LUZP2: variants seen among roughly 807,000 people sequenced by gnomAD.
LUZP2 encodes leucine zipper protein 2.
LUZP2 carries 52 observed loss-of-function variants against 51.6 expected under a neutral mutation model. That is an observed-to-expected ratio of 1.01 (90% confidence interval 0.81 to 1.27). LUZP2 has a LOEUF of 1.27. LUZP2 is among the 50% of genes most tolerant of loss of function. LUZP2 has a pLI of 0.00. For missense variants in LUZP2, 436 were observed against 395.4 expected (o/e 1.10, Z -0.87); for synonymous variants, 154 against 137.3 (o/e 1.12, Z -0.85).
intron 1 of LUZP2, among the ~76,000 whole-genome samples, chr11:24,506,002 C>T (rs544246781): frequency 1.4e-4 from 22 of 151,938 alleles, no homozygotes; most frequent in Non-Finnish European, 3.1e-4. Context: ...CTACAGGTGG[C>T]AGGACTAAAT....
intron 1 of LUZP2, among the ~76,000 whole-genome samples, chr11:24,627,519 ACTTT>A (rs1483035093): frequency 6.6e-6 from 1 of 152,216 alleles, no homozygotes; most frequent in African/African-American, 2.4e-5. Context: ...ATTATAACCG[ACTTT>A]CTTTCTGTGA....
chr11:24,550,944 A>T (rs1851706703), intron 1 of LUZP2, among the ~76,000 whole-genome samples: 1 of 151,980 alleles, frequency 6.6e-6, no homozygotes, highest in Non-Finnish European at 1.5e-5. Context: ...TCCTGTCTCA[A>T]AAACAAACAA....
intron 1 of LUZP2, among the ~76,000 whole-genome samples, chr11:24,665,148 G>T (rs540353012): frequency 6.6e-6 from 1 of 152,302 alleles, no homozygotes; most frequent in East Asian, 1.9e-4. Flanking sequence ...GCATGATCTG[G>T]ATGTGAAACA....
Position 24,517,163 on chromosome 11 carries a change from C to T in LUZP2, c.62+19858C>T, listed in dbSNP as rs538182046. On this transcript the variant is annotated intron_variant, in intron 1 of 11. Transcript: ENST00000336930. ...AATAAGATAATCTTATGTCACCTGT[C>T]CAAAAAACTATTGCTAAAGGTTAAA... Among the ~76,000 whole-genome samples, 73 of 151,912 alleles carry T rather than the reference C, an allele frequency of 4.8e-4. No individual in the cohort carries two copies. The South Asian group carries it at 7.3e-3, about 15-fold the overall frequency.
intron 1 of LUZP2, among the ~76,000 whole-genome samples, chr11:24,621,600 T>G (rs1854497253): frequency 6.6e-6 from 1 of 152,182 alleles, no homozygotes; most frequent in Admixed American, 6.5e-5. Flanking sequence ...AGCCTGAGAT[T>G]CTTACTTGTG....
chr11:24,961,503 G>A (rs1385234113), intron 7 of LUZP2, among the ~76,000 whole-genome samples: 4 of 151,962 alleles, frequency 2.6e-5, no homozygotes, highest in Non-Finnish European at 5.9e-5. Flanking sequence ...ATTATGTAAT[G>A]GCCTTCTTTG....
At chr11:25,002,177 A>C (rs1235043329) in intron 9 of LUZP2, among the ~76,000 whole-genome samples, 1 of 152,210 alleles carries the variant, frequency 6.6e-6, no homozygotes, top group Non-Finnish European at 1.5e-5. Context: ...TAGTTCTGCT[A>C]ACTGGGTGCT....
chr11:25,069,463 A>G (rs942273348), intron 10 of LUZP2, among the ~76,000 whole-genome samples: 1 of 151,954 alleles, frequency 6.6e-6, no homozygotes, highest in African/African-American at 2.4e-5. Flanking sequence ...TCATAAATTA[A>G]CATTTCTTTA....
intron 5 of LUZP2, among the ~76,000 whole-genome samples, chr11:24,837,815 C>T (rs1401448073): frequency 6.6e-6 from 1 of 151,522 alleles, no homozygotes; most frequent in East Asian, 1.9e-4. Context: ...TACTATAATT[C>T]CCTTTACTGT....
intron 7 of LUZP2, among the ~76,000 whole-genome samples, chr11:24,968,372 C>T (rs1855649628): frequency 6.6e-6 from 1 of 152,114 alleles, no homozygotes; most frequent in Non-Finnish European, 1.5e-5. Context: ...ATAAAATTTG[C>T]ATACAAAATC....
chr11:24,732,233 A>G (rs1858740930), intron 3 of LUZP2, 45 bp downstream of exon 3: 2 of 1,402,402 alleles, frequency 1.4e-6, no homozygotes, highest in African/African-American at 1.4e-5. Flanking sequence ...CATAGTGTCA[A>G]GCAACATTCA....
At chr11:24,531,338 T>A (rs1276186967) in intron 1 of LUZP2, among the ~76,000 whole-genome samples, 1 of 150,830 alleles carries the variant, frequency 6.6e-6, no homozygotes, top group Non-Finnish European at 1.5e-5. Context: ...CATATTTGAG[T>A]ACAGTGTGAT....
chr11:24,707,298 C>CTGTGTG (rs1279064036), intron 1 of LUZP2, among the ~76,000 whole-genome samples: 1 of 149,124 alleles, frequency 6.7e-6, no homozygotes, highest in African/African-American at 2.6e-5. Flanking sequence ...CTCTCTCATT[C>CTGTGTG]TGTGTGTGCG....
At chr11:24,556,285 A>G (rs891614287) in intron 1 of LUZP2, among the ~76,000 whole-genome samples, 3 of 152,108 alleles carry the variant, frequency 2.0e-5, no homozygotes, top group African/African-American at 7.2e-5. Context: ...CACTTTCTCA[A>G]TTTTCCATTG....
chr11:24,833,712 G>A (rs2716502), intron 5 of LUZP2, among the ~76,000 whole-genome samples: 115,265 of 147,168 alleles, frequency 0.78, 44,587 homozygotes, highest in East Asian at 0.89. Context: ...CCGCGCGCGC[G>A]CACACACACA....
At chr11:24,809,948 A>T (rs1849968781) in intron 5 of LUZP2, among the ~76,000 whole-genome samples, 1 of 152,178 alleles carries the variant, frequency 6.6e-6, no homozygotes, top group African/African-American at 2.4e-5. Flanking sequence ...CTATTAAATA[A>T]CTATCTTATC....
At chr11:25,002,287 G>A (rs190999155) in intron 9 of LUZP2, among the ~76,000 whole-genome samples, 7 of 152,248 alleles carry the variant, frequency 4.6e-5, no homozygotes, top group South Asian at 4.1e-4. Context: ...AACTTCCATC[G>A]TTATATAGGT....
chr11:24,769,908 C>T (rs116611399), intron 5 of LUZP2, among the ~76,000 whole-genome samples: 11,920 of 151,520 alleles, frequency 0.079, 1,027 homozygotes, highest in African/African-American at 0.22. Context: ...TTCTCTTGCC[C>T]CAGCCTCCTA....
intron 5 of LUZP2, among the ~76,000 whole-genome samples, chr11:24,861,848 G>T (rs916732646): frequency 6.6e-6 from 1 of 152,126 alleles, no homozygotes; most frequent in South Asian, 2.1e-4. Flanking sequence ...CACATAGTTT[G>T]GTGCCACAGG....
Sources: allele counts gnomAD v4.1 joint callset (sites outside exome capture counted in the v4.1 genomes callset), GRCh38; gene constraint gnomAD v4.1.1; transcripts MANE v1.5; gene names NCBI Gene and HGNC (gene_info 2026-07-23, HGNC 2026-07-21).